WDPCP: variants seen among roughly 807,000 people sequenced by gnomAD.
WDPCP encodes the protein WD repeat containing planar cell polarity effector, also known as WD repeat-containing and planar cell polarity effector protein fritz homolog.
In WDPCP, 71 loss-of-function variants were observed where a neutral mutation model predicts 93.1. The ratio of observed to expected loss-of-function variants is 0.76; its 90% CI spans 0.63 to 0.93. WDPCP has a LOEUF of 0.93. WDPCP is among the 40% of genes least tolerant of loss of function. The probability of loss-of-function intolerance (pLI) is 0.00; values close to 1 mark genes in which losing one functional copy is unlikely to be tolerated. For missense variants in WDPCP, 844 were observed against 887.4 expected (o/e 0.95, Z 0.62); for synonymous variants, 315 against 315.0 (o/e 1.00, Z 0.00).
rs1287724996 is a variant in WDPCP, at chr2:63,120,512, T to C, written c.*1494A>G. Among the ~76,000 whole-genome samples the C allele has an allele frequency of 6.7e-6, 1 of 149,410 alleles. No homozygotes were observed. Among genetic ancestry groups the C allele is most frequent in the Non-Finnish European group, 1.5e-5 (1 of 67,600 alleles). On this transcript the variant is annotated 3_prime_UTR_variant, in exon 18 of 18. Transcript: ENST00000272321. Reference sequence around the variant, plus strand: ...TATTAAACAATGTTGATTATTATTATAGATGTCTATAATTTTTTTTTTTTT... The same window carrying C: ...TATTAAACAATGTTGATTATTATTACAGATGTCTATAATTTTTTTTTTTTT...
chr2:63,619,581 G>GA (rs1333028885), intron 3 of WDPCP, among the ~76,000 whole-genome samples: 6 of 152,012 alleles, frequency 3.9e-5, no homozygotes, highest in Non-Finnish European at 5.9e-5. Flanking sequence ...GTAAGCACCT[G>GA]AAAAAAAGGA....
intron 12 of WDPCP, chr2:63,369,504 G>C (rs1364096980): frequency 2.2e-6 from 1 of 456,398 alleles, no homozygotes; most frequent in African/African-American, 2.0e-5. Flanking sequence ...ACAAGCAAAA[G>C]AAAATGAGAG....
At chr2:63,448,179 T>A (rs1697986923) in intron 6 of WDPCP, among the ~76,000 whole-genome samples, 1 of 152,110 alleles carries the variant, frequency 6.6e-6, no homozygotes, top group Non-Finnish European at 1.5e-5. Flanking sequence ...ACTTTTAATA[T>A]ACCTCCTTGT....
chr2:63,739,667 G>A (rs1669686956), intron 2 of WDPCP, among the ~76,000 whole-genome samples: 1 of 151,844 alleles, frequency 6.6e-6, no homozygotes, highest in South Asian at 2.1e-4. Flanking sequence ...CCTCAAAGAG[G>A]AATGGTTGAA....
chr2:63,735,367 C>T (rs922902128), intron 2 of WDPCP, among the ~76,000 whole-genome samples: 2 of 152,034 alleles, frequency 1.3e-5, no homozygotes, highest in African/African-American at 4.8e-5. Flanking sequence ...GGAGCAAGAA[C>T]CGGTGGGACA....
At chr2:63,771,363 T>C (rs1670224181) in intron 2 of WDPCP, among the ~76,000 whole-genome samples, 1 of 151,878 alleles carries the variant, frequency 6.6e-6, no homozygotes, top group Admixed American at 6.6e-5. Context: ...TACAAATAAT[T>C]TATATCTATT....
chr2:63,730,070 A>C (rs1669538262), intron 2 of WDPCP, among the ~76,000 whole-genome samples: 3 of 152,188 alleles, frequency 2.0e-5, no homozygotes, highest in African/African-American at 7.2e-5. Flanking sequence ...AGATACTAGG[A>C]GACAAGTAGA....
intron 2 of WDPCP, among the ~76,000 whole-genome samples, chr2:63,722,027 A>G (rs1669423890): frequency 1.3e-5 from 2 of 151,988 alleles, no homozygotes; most frequent in South Asian, 2.1e-4. Context: ...TCGTTCACTC[A>G]GTGCTCAATG....
intron 2 of WDPCP, among the ~76,000 whole-genome samples, chr2:63,657,146 T>C (rs2106634848): frequency 6.6e-6 from 1 of 151,526 alleles, no homozygotes; most frequent in Admixed American, 6.6e-5. Flanking sequence ...TTTATTATAA[T>C]TATGGCTGTG....
intron 13 of WDPCP, among the ~76,000 whole-genome samples, chr2:63,288,901 T>C (rs987139959): frequency 6.6e-6 from 1 of 152,146 alleles, no homozygotes; most frequent in Non-Finnish European, 1.5e-5. Context: ...TCTCTCAATG[T>C]AGGTTCAATC....
At chr2:63,761,817 T>C (rs1670059501) in intron 2 of WDPCP, among the ~76,000 whole-genome samples, 1 of 152,190 alleles carries the variant, frequency 6.6e-6, no homozygotes, top group African/African-American at 2.4e-5. Context: ...CCAGGATCAA[T>C]ACTTTGTATC....
At chr2:63,671,063 G>C (rs1380729032) in intron 2 of WDPCP, among the ~76,000 whole-genome samples, 4 of 152,158 alleles carry the variant, frequency 2.6e-5, no homozygotes, top group Non-Finnish European at 1.5e-5. Flanking sequence ...CTCAGGCTCA[G>C]CTTTGAGATT....
At chr2:63,450,465 T>G (rs571797553) in intron 6 of WDPCP, among the ~76,000 whole-genome samples, 1 of 152,106 alleles carries the variant, frequency 6.6e-6, no homozygotes, top group African/African-American at 2.4e-5. Context: ...CGGGGACTCA[T>G]GAACCCACTC....
At chr2:63,508,409 C>G (rs142329679) in intron 1 of WDPCP, among the ~76,000 whole-genome samples, 2 of 152,070 alleles carry the variant, frequency 1.3e-5, no homozygotes, top group Non-Finnish European at 2.9e-5. Flanking sequence ...ACCACCAGGC[C>G]CACCTTACAA....
At chr2:63,546,602 T>C (rs1361372001) in intron 1 of WDPCP, among the ~76,000 whole-genome samples, 1 of 152,164 alleles carries the variant, frequency 6.6e-6, no homozygotes, top group African/African-American at 2.4e-5. Flanking sequence ...ACATTTTAAA[T>C]CTTGACTTAG....
rs60202196 is a variant in WDPCP at position 63,504,324 on chromosome 2, T to TTGTGTGTGTGTGTG, written c.76-11398_76-11385dup. On this transcript the variant is annotated intron_variant, in intron 1 of 17. Transcript: ENST00000272321. ...GAGCCTTCTGAAATTACGTACTAAA[T>TTGTGTGTGTGTGTG]TGTGTGTGTGTGTGTGTGTGTGTGT... Among the ~76,000 whole-genome samples, 94 of 138,104 alleles carry TTGTGTGTGTGTGTG rather than the reference T, an allele frequency of 6.8e-4. 1 individual carries two copies. The highest frequency in any genetic ancestry group is 1.8e-3 in the African/African-American group (69 of 37,430). The allele number at this position is 138,104 out of a possible 152,430, so 90.6% of individuals were successfully genotyped here.
intron 2 of WDPCP, among the ~76,000 whole-genome samples, chr2:63,686,978 A>G (rs1309535363): frequency 6.6e-6 from 1 of 152,266 alleles, no homozygotes; most frequent in African/African-American, 2.4e-5. Flanking sequence ...AAGACAATTC[A>G]GGAGAGTCCA....
chr2:63,255,398 C>A (rs1025010961), intron 14 of WDPCP, among the ~76,000 whole-genome samples: 1 of 152,054 alleles, frequency 6.6e-6, no homozygotes, highest in Non-Finnish European at 1.5e-5. Flanking sequence ...AAATGTAATC[C>A]CCCATGTTGG....
At chr2:63,592,367 T>C (rs116616225), upstream of WDPCP, among the ~76,000 whole-genome samples, 9 of 152,338 alleles carry the variant, frequency 5.9e-5, no homozygotes, top group African/African-American at 1.9e-4. Flanking sequence ...AAGTTTTTGT[T>C]TGAGACAGGA....
Sources: gnomAD v4.1 joint callset for allele counts (sites outside exome capture counted in the v4.1 genomes callset) on GRCh38, gnomAD v4.1.1 for gene constraint, MANE v1.5 for transcripts, NCBI Gene and HGNC (gene_info 2026-07-23, HGNC 2026-07-21) for gene names.